Variants in GAP43 observed in about 807,000 individuals in gnomAD.
The protein encoded by GAP43 is neuromodulin.
A neutral mutation model predicts 18.6 loss-of-function variants in GAP43; 6 were observed. That is an observed-to-expected ratio of 0.32 (90% CI 0.18 to 0.64). GAP43 has a LOEUF of 0.64. Among genes scored for constraint, GAP43 ranks in the 30% least tolerant of loss-of-function variants. GAP43 has a pLI of 0.78. For missense variants in GAP43, 292 were observed against 295.5 expected, an observed-to-expected ratio of 0.99 and a Z score of 0.09; for synonymous variants, 115 against 111.4, an observed-to-expected ratio of 1.03 and a Z score of -0.20.
At chr3:115,683,805 A>T (rs985335435) in intron 2 of GAP43, among the ~76,000 whole-genome samples, 16 of 152,334 alleles carry the variant, frequency 1.1e-4, no homozygotes, top group African/African-American at 3.8e-4. Flanking sequence ...TATATGGATA[A>T]GCTAATACAA....
intron 1 of GAP43, among the ~76,000 whole-genome samples, chr3:115,627,901 T>C (rs890709168): frequency 5.3e-5 from 8 of 152,260 alleles, no homozygotes; most frequent in African/African-American, 1.4e-4. Context: ...TGTGAGTCCT[T>C]AGTGGAGGCC....
intron 1 of GAP43, among the ~76,000 whole-genome samples, chr3:115,635,857 G>T (rs1204324295): frequency 2.0e-5 from 3 of 152,006 alleles, no homozygotes; most frequent in African/African-American, 7.2e-5. Flanking sequence ...TGCCAATTTT[G>T]CTGTCATGGT....
intron 2 of GAP43, among the ~76,000 whole-genome samples, chr3:115,679,658 T>A (rs1708936107): frequency 6.6e-6 from 1 of 152,188 alleles, no homozygotes; most frequent in Non-Finnish European, 1.5e-5. Context: ...CTGTGCTCAT[T>A]GGCTCTCAAT....
intron 1 of GAP43, chr3:115,663,463 C>G (rs1163525361): frequency 9.6e-7 from 1 of 1,039,584 alleles, no homozygotes; most frequent in East Asian, 6.6e-5. Flanking sequence ...CCCTCTCCCT[C>G]CCTCTTCTCC....
intron 1 of GAP43, among the ~76,000 whole-genome samples, chr3:115,660,109 G>T (rs72943707): frequency 0.045 from 6,803 of 152,132 alleles, 485 homozygotes; most frequent in African/African-American, 0.15. Context: ...CCTAAAGGAT[G>T]GTGTCTGCTT....
intron 1 of GAP43, among the ~76,000 whole-genome samples, chr3:115,641,984 G>A (rs543612108): frequency 1.4e-4 from 21 of 152,110 alleles, no homozygotes; most frequent in African/African-American, 5.1e-4. Context: ...TTGAAACACT[G>A]ATCTACAGCC....
In GAP43 at chr3:115,632,969, G is replaced by A. The variant is rs76212571; in HGVS notation, c.30+9250G>A. Among the ~76,000 whole-genome samples, 780 of 151,590 alleles carry A rather than the reference G, an allele frequency of 5.1e-3. 6 individuals carry two copies. The highest frequency in any genetic ancestry group is 0.018 in the African/African-American group (748 of 41,334). ...TATTATATATGCGTTTTTTGATTGG[G>A]AACAAGTATCCAAAACCAACTTTAA... On this transcript the variant is annotated intron_variant, in intron 1 of 2. Transcript: ENST00000305124.
chr3:115,627,888 T>C (rs1708210532), intron 1 of GAP43, among the ~76,000 whole-genome samples: 1 of 152,170 alleles, frequency 6.6e-6, no homozygotes, highest in East Asian at 1.9e-4. Flanking sequence ...AAGAATATTA[T>C]ACTGTGAGTC....
chr3:115,663,895 C>T, intron 1 of GAP43: 1 of 1,552,062 alleles, frequency 6.4e-7, no homozygotes, highest in South Asian at 1.2e-5. Flanking sequence ...CACTTGGCTT[C>T]TTGACTTTCT....
chr3:115,666,376 A>G (rs1708733144), intron 1 of GAP43, among the ~76,000 whole-genome samples: 1 of 152,192 alleles, frequency 6.6e-6, no homozygotes, highest in African/African-American at 2.4e-5. Flanking sequence ...CCTCTGAGTG[A>G]TGATACCTAC....
chr3:115,707,292 T>A (rs903879145), intron 2 of GAP43, among the ~76,000 whole-genome samples: 39 of 152,062 alleles, frequency 2.6e-4, no homozygotes, highest in African/African-American at 8.7e-4. Context: ...ATTTATTTGT[T>A]TGTTTGTTAT....
Position 115,632,977 on chromosome 3 carries a change from A to G in GAP43, c.30+9258A>G, listed in dbSNP as rs115316213. Among the ~76,000 whole-genome samples, 1,462 of 152,122 alleles carry G rather than the reference A, an allele frequency of 9.6e-3. 25 individuals carry two copies. The highest frequency in any genetic ancestry group is 0.033 in the African/African-American group (1,363 of 41,512). On this transcript the variant is annotated intron_variant, in intron 1 of 2. Transcript: ENST00000305124. ...ATGCGTTTTTTGATTGGGAACAAGT[A>G]TCCAAAACCAACTTTAAGAGTCTAT...
intron 1 of GAP43, among the ~76,000 whole-genome samples, chr3:115,650,795 C>A (rs1290281018): frequency 6.6e-6 from 1 of 152,142 alleles, no homozygotes; most frequent in Non-Finnish European, 1.5e-5. Flanking sequence ...TAGTCTTACT[C>A]CTTCTAAAAA....
chr3:115,697,853 A>G (rs1465481692), intron 2 of GAP43, among the ~76,000 whole-genome samples: 1 of 150,632 alleles, frequency 6.6e-6, no homozygotes, highest in Admixed American at 6.7e-5. Context: ...GCATTTAGCT[A>G]TTAGTAACCC....
chr3:115,683,767 G>A (rs764907226), intron 2 of GAP43, among the ~76,000 whole-genome samples: 5 of 151,924 alleles, frequency 3.3e-5, no homozygotes, highest in African/African-American at 4.8e-5. Flanking sequence ...AAATTTTGTC[G>A]GTAGACTGTC....
At chr3:115,719,879 A>G (rs1709555335) in intron 2 of GAP43, among the ~76,000 whole-genome samples, 1 of 152,192 alleles carries the variant, frequency 6.6e-6, no homozygotes. Flanking sequence ...TCCACAAGCT[A>G]GCATATTAGT....
At chr3:115,652,836 C>A (rs9880454) in intron 1 of GAP43, among the ~76,000 whole-genome samples, 1 of 152,024 alleles carries the variant, frequency 6.6e-6, no homozygotes. Flanking sequence ...TGGTTCAGAC[C>A]ACCGTCTTGA....
At chr3:115,667,966 C>T (rs1459112923) in intron 1 of GAP43, among the ~76,000 whole-genome samples, 3 of 152,168 alleles carry the variant, frequency 2.0e-5, no homozygotes, top group East Asian at 1.9e-4. Context: ...GCCAGCCCTT[C>T]TGTCCTTTGA....
At chr3:115,713,573 G>A (rs1002126893) in intron 2 of GAP43, among the ~76,000 whole-genome samples, 3 of 152,178 alleles carry the variant, frequency 2.0e-5, no homozygotes, top group African/African-American at 7.2e-5. Context: ...ATATGCTCCT[G>A]GTATTTGCTC....
Sources: allele counts gnomAD v4.1 joint callset (sites outside exome capture counted in the v4.1 genomes callset), GRCh38; gene constraint gnomAD v4.1.1; transcripts MANE v1.5; gene names NCBI Gene and HGNC (gene_info 2026-07-23, HGNC 2026-07-21).